UCHL5: variants seen among roughly 807,000 people sequenced by gnomAD.
The protein encoded by UCHL5 is ubiquitin C-terminal hydrolase L5, also known as ubiquitin carboxyl-terminal hydrolase isozyme L5.
Under a neutral mutation model 53.8 loss-of-function variants are expected in UCHL5, and 34 were observed. That is an observed-to-expected ratio of 0.63 (90% CI 0.48 to 0.84). The LOEUF is 0.84. Ranked by LOEUF, UCHL5 falls within the 40% of genes least tolerant of loss-of-function variation. UCHL5 has a pLI of 0.00. For synonymous variants in UCHL5, 111 were observed against 126.3 expected (o/e 0.88, Z 0.81); for missense variants, 290 against 385.6 (o/e 0.75, Z 2.08).
chr1:193,059,861 A>T, upstream of UCHL5: 1 of 1,360,306 alleles, frequency 7.4e-7, no homozygotes, highest in Non-Finnish European at 9.8e-7. The surrounding 1 kb of genome is among the most constrained non-coding windows in gnomAD (Gnocchi z 4.9). Flanking sequence ...CATGTCTCTC[A>T]CCCGCATCCC....
At chr1:193,024,994 T>C (rs999985848) in intron 7 of UCHL5, among the ~76,000 whole-genome samples, 1 of 152,112 alleles carries the variant, frequency 6.6e-6, no homozygotes, top group African/African-American at 2.4e-5. Context: ...AGCAAGAACA[T>C]TCTGAAAGGT....
intron 1 of UCHL5, among the ~76,000 whole-genome samples, chr1:193,052,772 C>T (rs147289657): frequency 0.012 from 1,849 of 152,278 alleles, 19 homozygotes; most frequent in South Asian, 0.034. Flanking sequence ...CCAGTATTAT[C>T]ATCACAATAC....
intron 3 of UCHL5, among the ~76,000 whole-genome samples, chr1:193,030,228 T>C (rs549280419): frequency 6.6e-6 from 1 of 152,314 alleles, no homozygotes; most frequent in South Asian, 2.1e-4. Flanking sequence ...GGACCTTACA[T>C]TCTAGCCAAA....
chr1:193,022,675 A>AC (rs1657539162), intron 9 of UCHL5, among the ~76,000 whole-genome samples: 1 of 151,926 alleles, frequency 6.6e-6, no homozygotes, highest in Non-Finnish European at 1.5e-5. Flanking sequence ...AAAAAAAAAA[A>AC]AAAAAAAGGA....
chr1:193,030,358 T>C (rs1660917241), intron 3 of UCHL5, among the ~76,000 whole-genome samples: 1 of 152,214 alleles, frequency 6.6e-6, no homozygotes, highest in African/African-American at 2.4e-5. Context: ...ATCATCTTCA[T>C]TTTAAATTTG....
rs1259842003 is a variant in UCHL5 at position 193,051,806 on chromosome 1, C to T, written c.88G>A (p.Ala30Thr). Residue 30 changes from alanine (A) to threonine (T), a missense_variant, in exon 2 of 11, where the codon GCC becomes ACC. Physicochemically the swap from Ala to Thr is moderately conservative, Grantham distance 58. Coordinates refer to ENST00000367454, the MANE Select transcript of UCHL5 (RefSeq NM_001199261.3). ...AAACTCCATATTTCTTCTACTTGGG[C>T]TCCTCGGCAACCTGAAATAATAAAT... ...ELIKGFGCRG[A>T]QVEEIWSLEP... 1 of 1,594,708 alleles carries T rather than the reference C, an allele frequency of 6.3e-7. No individual in the cohort carries two copies. The highest frequency in any genetic ancestry group is 1.2e-5 in the South Asian group (1 of 86,772).
upstream of UCHL5, chr1:193,059,926 C>T (rs753190346): frequency 7.3e-7 from 1 of 1,366,158 alleles, no homozygotes; most frequent in African/African-American, 1.5e-5. The surrounding 1 kb of genome is among the most constrained non-coding windows in gnomAD (Gnocchi z 4.9). Context: ...CGTCCCGCTT[C>T]CGCGCCTGTC....
At chr1:193,027,273 G>C (rs1659631648) in intron 7 of UCHL5, among the ~76,000 whole-genome samples, 1 of 151,898 alleles carries the variant, frequency 6.6e-6, no homozygotes, top group African/African-American at 2.4e-5. Context: ...TCTTACAACT[G>C]AATATATATA....
intron 7 of UCHL5, among the ~76,000 whole-genome samples, chr1:193,027,057 G>A (rs1490459807): frequency 6.6e-6 from 1 of 152,108 alleles, no homozygotes; most frequent in African/African-American, 2.4e-5. Context: ...ATAGAATTAG[G>A]GATTAAGAAG....
At position 193,035,631 on chromosome 1, in the gene UCHL5, C is replaced by A. The variant is rs1044568791; in HGVS notation, c.247-5974G>T. On this transcript the variant is annotated intron_variant, in intron 3 of 10. Transcript: ENST00000367454. ...ATCTGAACAGAAAAAAACACTAATG[C>A]GCAAAACCAAAACATTTTAAGGTCT... Among the ~76,000 whole-genome samples the A allele has an allele frequency of 2.0e-5, 3 of 151,898 alleles. No individual in the cohort carries two copies. In the South Asian group the frequency reaches 6.2e-4, roughly 32 times the overall value.
intron 3 of UCHL5, among the ~76,000 whole-genome samples, chr1:193,035,372 T>C (rs12727242): frequency 6.6e-6 from 1 of 151,636 alleles, no homozygotes; most frequent in African/African-American, 2.4e-5. Flanking sequence ...TATCTAAAGG[T>C]GCTTCAATTC....
chr1:193,044,418 A>G (rs1402709776), intron 3 of UCHL5, among the ~76,000 whole-genome samples: 1 of 152,202 alleles, frequency 6.6e-6, no homozygotes, highest in African/African-American at 2.4e-5. Context: ...TCAGTGAAAT[A>G]ACAAGACTAC....
At chr1:193,039,077 G>GA (rs920966719) in intron 3 of UCHL5, among the ~76,000 whole-genome samples, 7 of 152,126 alleles carry the variant, frequency 4.6e-5, no homozygotes, top group African/African-American at 1.7e-4. Context: ...AAGAAATTAA[G>GA]AAAAAAATCC....
At position 193,015,585 on chromosome 1, in the gene UCHL5, T is replaced by G. The variant is rs1376567528; in HGVS notation, c.*766A>C. The G allele has an allele frequency of 6.6e-6, 1 of 152,016 alleles. No homozygotes were observed. The highest frequency in any genetic ancestry group is 1.5e-5 in the Non-Finnish European group (1 of 67,928). 9.4% of individuals were successfully genotyped at this position (152,016 alleles called of 1,614,324 possible). A position where few individuals can be genotyped will look rare whatever the true frequency, so the allele number is the denominator to read the frequency against. Reference sequence around the variant, plus strand: ...AACATGAACTGTCAGACCTCCAGTTTTTTTATACACAGCTTACAAGCTTGA... The same window carrying G: ...AACATGAACTGTCAGACCTCCAGTTGTTTTATACACAGCTTACAAGCTTGA... On this transcript the variant is annotated 3_prime_UTR_variant, in exon 11 of 11. Transcript: ENST00000367454.
rs1006470087 is a variant in UCHL5, at chr1:193,012,855, T to C, written c.*3496A>G. On this transcript the variant is annotated 3_prime_UTR_variant, in exon 11 of 11. Transcript: ENST00000367454. ...TCATAAGATTGGCTGAATAAATCAC[T>C]GAATAGTTTTCAAAAAGTTAATGTA... 2 of 152,180 alleles carry C rather than the reference T, an allele frequency of 1.3e-5. No homozygotes were observed. Among genetic ancestry groups the C allele is most frequent in the African/African-American group, 4.8e-5 (2 of 41,438 alleles). The allele number at this position is 152,180 out of a possible 1,614,324, so 9.4% of individuals were successfully genotyped here. A position where few individuals can be genotyped will look rare whatever the true frequency, so the allele number is the denominator to read the frequency against.
chr1:193,052,023 AG>A (rs1167146428), intron 1 of UCHL5, among the ~76,000 whole-genome samples: 2 of 152,064 alleles, frequency 1.3e-5, no homozygotes, highest in Non-Finnish European at 2.9e-5. Flanking sequence ...GAGTTTCAAG[AG>A]TTTATTTTCA....
In UCHL5 at chr1:193,031,107, TA is replaced by T. The variant is rs1179665367; in HGVS notation, c.247-1451del. Among the ~76,000 whole-genome samples the T allele has an allele frequency of 2.6e-5, 4 of 152,310 alleles. No individual in the cohort carries two copies. The East Asian group carries it at 5.8e-4, about 22-fold the overall frequency. On this transcript the variant is annotated intron_variant, in intron 3 of 10. Transcript: ENST00000367454. ...TTTGATCCGAATCACAGTTCTTTAG[TA>T]AATTTGGATGCAAACTTTAATGATT...
chr1:193,057,523 T>A (rs1417367194), intron 1 of UCHL5: 1 of 152,258 alleles, frequency 6.6e-6, no homozygotes, highest in Non-Finnish European at 1.5e-5. Context: ...GTCTAGCTTC[T>A]CTCACTTTAT....
intron 7 of UCHL5, among the ~76,000 whole-genome samples, chr1:193,027,647 T>G (rs1278896353): frequency 6.6e-6 from 1 of 152,072 alleles, no homozygotes; most frequent in Non-Finnish European, 1.5e-5. Context: ...ATTGTGCCAC[T>G]GCACTCCAGC....
Sources: gnomAD v4.1 joint callset for allele counts (sites outside exome capture counted in the v4.1 genomes callset) on GRCh38, gnomAD v4.1.1 for gene constraint, Gnocchi (gnomAD v3.1) non-coding constraint, MANE v1.5 for transcripts, NCBI Gene and HGNC (gene_info 2026-07-23, HGNC 2026-07-21) for gene names.